The following CEP112 variants were observed in gnomAD, a reference collection of about 807,000 sequenced individuals.
CEP112 encodes centrosomal protein 112.
A neutral mutation model predicts 153.0 loss-of-function variants in CEP112; 127 were observed. That is an observed-to-expected ratio of 0.83 (90% CI 0.72 to 0.96). The LOEUF is 0.96. Among genes scored for constraint, CEP112 ranks in the 40% least tolerant of loss-of-function variants. The pLI is 0.00. For missense variants in CEP112, 1,089 were observed against 1,101.2 expected (o/e 0.99, Z 0.16); for synonymous variants, 358 against 374.4 (o/e 0.96, Z 0.51).
rs553424877 is a variant in CEP112, at chr17:65,837,073, G to A, written c.2394+14731C>T. 1.6e-4 allele frequency among the ~76,000 whole-genome samples: 25 copies of A among 152,294 alleles called. No individual in the cohort carries two copies. In the East Asian group the frequency reaches 2.1e-3, roughly 13 times the overall value. On this transcript the variant is annotated intron_variant, in intron 21 of 26. Transcript: ENST00000535342. ...GCCAGCCTCGGCCTCCCAAGGTGCC[G>A]GGATTGCAGACGGAGTCTCGCTCAC...
intron 17 of CEP112, among the ~76,000 whole-genome samples, chr17:65,962,663 G>A (rs554413387): frequency 8.6e-4 from 131 of 152,238 alleles, no homozygotes; most frequent in Non-Finnish European, 1.4e-3. Context: ...CACGTGTTGT[G>A]GGAGGGACCC....
rs899194276 is a variant in CEP112 at position 65,936,891 on chromosome 17, G to A, written c.1873-9202C>T. ...GCCGAAGCTGTACTGTACTGCCACC[G>A]TCTCGGCTCACTGCAACCTCCCTGC... On this transcript the variant is annotated intron_variant, in intron 18 of 26. Coordinates refer to ENST00000535342, the MANE Select transcript of CEP112 (RefSeq NM_001199165.4). Among the ~76,000 whole-genome samples, 15 of 145,958 alleles carry A rather than the reference G, an allele frequency of 1.0e-4. No individual in the cohort carries two copies. The East Asian group carries it at 1.1e-3, about 11-fold the overall frequency.
At chr17:66,175,277 T>A in intron 3 of CEP112, 61 bp from the exon 4 acceptor site, 1 of 1,226,562 alleles carries the variant, frequency 8.2e-7, no homozygotes, top group Non-Finnish European at 1.1e-6. Context: ...ACCACTAAAA[T>A]TTCCATCAAG....
intron 21 of CEP112, 151 bp from the exon 22 acceptor site, chr17:65,750,875 G>A (rs1315661760): frequency 1.1e-5 from 6 of 560,738 alleles, no homozygotes; most frequent in African/African-American, 3.9e-5. Context: ...TTGATGTTAC[G>A]CCAACTATTC....
chr17:66,157,741 G>A (rs2071509992), intron 4 of CEP112, among the ~76,000 whole-genome samples: 1 of 147,126 alleles, frequency 6.8e-6, no homozygotes, highest in Admixed American at 6.8e-5. Flanking sequence ...TGCAATCCTA[G>A]TCTCTGATAA....
chr17:65,737,765 A>G (rs545422963), intron 23 of CEP112, among the ~76,000 whole-genome samples: 19 of 152,360 alleles, frequency 1.2e-4, no homozygotes, highest in Non-Finnish European at 2.1e-4. Context: ...ACCATTTGCT[A>G]TTGAATACTG....
chr17:65,971,599 ATTGTGTG>A lies in CEP112; in HGVS notation c.1737-10008_1737-10002del, dbSNP rs1219820791. Among the ~76,000 whole-genome samples, 11 of 54,080 alleles carry A rather than the reference ATTGTGTG, an allele frequency of 2.0e-4. No homozygotes were observed. In the East Asian group the frequency reaches 0.082, roughly 403 times the overall value. 35.5% of individuals were successfully genotyped at this position (54,080 alleles called of 152,430 possible). A position where few individuals can be genotyped will look rare whatever the true frequency, so the allele number is the denominator to read the frequency against. ...TGGCATGTATATTACATGCATGCAT[ATTGTGTG>A]CATATTATATGTATATCCCATGCAT... On this transcript the variant is annotated intron_variant, in intron 17 of 26. Transcript: ENST00000535342.
At chr17:65,901,095 TCTTA>T (rs1290097748) in intron 20 of CEP112, among the ~76,000 whole-genome samples, 3 of 152,208 alleles carry the variant, frequency 2.0e-5, no homozygotes, top group African/African-American at 7.2e-5. Flanking sequence ...AAAATTAACA[TCTTA>T]CTTAATTAGT....
At chr17:65,756,533 C>T (rs1323814248) in intron 21 of CEP112, among the ~76,000 whole-genome samples, 1 of 151,334 alleles carries the variant, frequency 6.6e-6, no homozygotes, top group Non-Finnish European at 1.5e-5. Flanking sequence ...GAAAGTGAGG[C>T]CTGAGAATTG....
chr17:65,918,334 T>C (rs2060572912), intron 19 of CEP112, among the ~76,000 whole-genome samples: 1 of 152,202 alleles, frequency 6.6e-6, no homozygotes. Context: ...TCACTTAAAA[T>C]TTCCTACTTG....
intron 20 of CEP112, among the ~76,000 whole-genome samples, chr17:65,883,717 G>T (rs763334685): frequency 6.6e-6 from 1 of 152,124 alleles, no homozygotes; most frequent in Non-Finnish European, 1.5e-5. Flanking sequence ...TTTTAAGCAG[G>T]GGAGTTTTCT....
intron 20 of CEP112, among the ~76,000 whole-genome samples, chr17:65,862,994 C>A (rs1017028615): frequency 6.6e-6 from 1 of 151,914 alleles, no homozygotes; most frequent in Non-Finnish European, 1.5e-5. Flanking sequence ...ATAATATATT[C>A]TCTTCAGAAT....
chr17:65,912,519 C>T (rs2060326359), intron 19 of CEP112, among the ~76,000 whole-genome samples: 1 of 152,180 alleles, frequency 6.6e-6, no homozygotes, highest in Admixed American at 6.5e-5. Context: ...GCACTGGCTT[C>T]TCTGGCCTAA....
intron 16 of CEP112, among the ~76,000 whole-genome samples, chr17:66,010,233 A>G (rs917692293): frequency 1.3e-5 from 2 of 152,106 alleles, no homozygotes; most frequent in Non-Finnish European, 2.9e-5. Flanking sequence ...TGTGAATGGA[A>G]CTGCATTCTT....
At chr17:65,681,725 G>A (rs1177566254) in intron 24 of CEP112, among the ~76,000 whole-genome samples, 1 of 147,366 alleles carries the variant, frequency 6.8e-6, no homozygotes, top group Non-Finnish European at 1.5e-5. Flanking sequence ...CCAGGCTGGA[G>A]TACAGTGGTG....
At chr17:65,934,958 T>C (rs1460636215) in intron 18 of CEP112, among the ~76,000 whole-genome samples, 1 of 152,276 alleles carries the variant, frequency 6.6e-6, no homozygotes, top group South Asian at 2.1e-4. Flanking sequence ...GCAAGGGAAA[T>C]GCCAGATGTT....
At chr17:65,923,509 C>T (rs1457428217) in intron 19 of CEP112, among the ~76,000 whole-genome samples, 1 of 152,158 alleles carries the variant, frequency 6.6e-6, no homozygotes, top group Non-Finnish European at 1.5e-5. Context: ...CATGCCACTG[C>T]ACTCCTGCCT....
chr17:65,893,741 T>C (rs1242142262), intron 20 of CEP112, among the ~76,000 whole-genome samples: 1 of 152,140 alleles, frequency 6.6e-6, no homozygotes, highest in Non-Finnish European at 1.5e-5. Flanking sequence ...TGTGTTCTCT[T>C]CTCCAAATAG....
At chr17:65,731,223 C>T (rs1056038291) in intron 23 of CEP112, among the ~76,000 whole-genome samples, 3 of 152,068 alleles carry the variant, frequency 2.0e-5, no homozygotes, top group Non-Finnish European at 4.4e-5. Context: ...CGCGGAGATA[C>T]TCCAAGTTCA....
Sources: gnomAD v4.1 joint callset for allele counts (sites outside exome capture counted in the v4.1 genomes callset) on GRCh38, gnomAD v4.1.1 for gene constraint, MANE v1.5 for transcripts, NCBI Gene and HGNC (gene_info 2026-07-23, HGNC 2026-07-21) for gene names.